NCEH1: variants seen among roughly 807,000 people sequenced by gnomAD.
NCEH1 encodes 2-acetyl MAGE hydrolase.
A neutral mutation model predicts 25.4 loss-of-function variants in NCEH1; 9 were observed. The observed-to-expected ratio is 0.35, with a 90% CI of 0.21 to 0.62. The LOEUF is 0.62. Ranked by LOEUF, NCEH1 falls within the 20% of genes least tolerant of loss-of-function variation. The probability of loss-of-function intolerance (pLI) is 0.72; values close to 1 mark genes in which losing one functional copy is unlikely to be tolerated. For synonymous variants in NCEH1, 200 were observed against 199.8 expected (o/e 1.00, Z -0.01); for missense variants, 412 against 501.1 (o/e 0.82, Z 1.70).
chr3:172,669,154 G>A (rs547817896), intron 1 of NCEH1, among the ~76,000 whole-genome samples: 175 of 152,284 alleles, frequency 1.1e-3, no homozygotes, highest in African/African-American at 4.1e-3. Context: ...TAACACCAAC[G>A]TTTTGATTCA....
At chr3:172,661,496 T>C (rs1422126661) in intron 1 of NCEH1, among the ~76,000 whole-genome samples, 2 of 152,220 alleles carry the variant, frequency 1.3e-5, no homozygotes, top group Non-Finnish European at 2.9e-5. Flanking sequence ...AGTATTTTTT[T>C]CCAATTCTGT....
In NCEH1 at chr3:172,681,716, CCT is replaced by C. The variant is rs1178036853; in HGVS notation, c.138+29129_138+29130del. Among the ~76,000 whole-genome samples, 3 of 142,848 alleles carry C rather than the reference CCT, an allele frequency of 2.1e-5. No homozygotes were observed. In the East Asian group the frequency reaches 6.0e-4, roughly 29 times the overall value. 93.7% of individuals were successfully genotyped at this position (142,848 alleles called of 152,430 possible). On this transcript the variant is annotated intron_variant, in intron 1 of 4. Transcript: ENST00000475381. The stretch of plus-strand genomic sequence containing the variant: ...ACCAGCCTGGCCAAGATGGTAAAAC[CCT>C]GTCTCTAGTAAAAATACCAAAAAAA...
chr3:172,656,409 A>G (rs947520548), intron 1 of NCEH1, among the ~76,000 whole-genome samples: 3 of 152,170 alleles, frequency 2.0e-5, no homozygotes, highest in Non-Finnish European at 4.4e-5. Flanking sequence ...CAAAGTGAGA[A>G]GATATATCTC....
intron 1 of NCEH1, among the ~76,000 whole-genome samples, chr3:172,661,586 G>C (rs543353105): frequency 1.3e-5 from 2 of 152,150 alleles, no homozygotes; most frequent in African/African-American, 4.8e-5. Flanking sequence ...TCACAATATT[G>C]ATTCTTCCTA....
intron 1 of NCEH1, among the ~76,000 whole-genome samples, chr3:172,688,748 G>A (rs1398588368): frequency 6.6e-6 from 1 of 152,062 alleles, no homozygotes; most frequent in Non-Finnish European, 1.5e-5. Context: ...ACAGTGTTAC[G>A]ATAGGTGTCC....
chr3:172,704,161 A>G (rs1409344969), intron 1 of NCEH1, among the ~76,000 whole-genome samples: 3 of 152,208 alleles, frequency 2.0e-5, no homozygotes, highest in Non-Finnish European at 4.4e-5. Context: ...CCACACCCAC[A>G]CAGCCCAAAA....
At chr3:172,647,791 T>TC (rs1560183183) in intron 2 of NCEH1, 95 bp downstream of exon 2, 7 of 1,517,996 alleles carry the variant, frequency 4.6e-6, no homozygotes, top group Non-Finnish European at 6.3e-6. Context: ...AGATAAATGG[T>TC]CCCCTTCTTT....
chr3:172,662,459 A>G (rs556259740), intron 1 of NCEH1, among the ~76,000 whole-genome samples: 64 of 152,308 alleles, frequency 4.2e-4, no homozygotes, highest in African/African-American at 1.5e-3. Context: ...AGACTTAGGT[A>G]TCAGGATGAT....
chr3:172,665,093 G>T (rs935116218), intron 1 of NCEH1, among the ~76,000 whole-genome samples: 9 of 152,174 alleles, frequency 5.9e-5, no homozygotes, highest in African/African-American at 2.2e-4. Context: ...CCATCTTTGT[G>T]ATTTTATCTA....
intron 3 of NCEH1, among the ~76,000 whole-genome samples, chr3:172,640,709 G>A (rs935545106): frequency 2.0e-5 from 3 of 152,048 alleles, no homozygotes; most frequent in Non-Finnish European, 4.4e-5. Flanking sequence ...GGGTTTCACC[G>A]TGTTAGCCAG....
intron 1 of NCEH1, among the ~76,000 whole-genome samples, chr3:172,687,742 C>A (rs1296015080): frequency 6.6e-6 from 1 of 152,074 alleles, no homozygotes; most frequent in Non-Finnish European, 1.5e-5. Flanking sequence ...AGTAGAAAGC[C>A]CAGATTGTGT....
chr3:172,638,631 A>G (rs1326401101), intron 3 of NCEH1, among the ~76,000 whole-genome samples: 1 of 152,186 alleles, frequency 6.6e-6, no homozygotes, highest in Non-Finnish European at 1.5e-5. Flanking sequence ...TCATGACTCA[A>G]GTTGTGAAAA....
intron 1 of NCEH1, among the ~76,000 whole-genome samples, chr3:172,662,395 T>G (rs1718011040): frequency 6.6e-6 from 1 of 152,232 alleles, no homozygotes; most frequent in Non-Finnish European, 1.5e-5. Flanking sequence ...GATTTTTGCA[T>G]CGATGTTCAT....
chr3:172,643,261 T>C (rs1716948950), intron 3 of NCEH1, among the ~76,000 whole-genome samples: 1 of 152,090 alleles, frequency 6.6e-6, no homozygotes, highest in African/African-American at 2.4e-5. Context: ...TTTTAAAAAA[T>C]AGGGTCTCCC....
intron 1 of NCEH1, among the ~76,000 whole-genome samples, chr3:172,653,913 C>T (rs888548078): frequency 6.6e-6 from 1 of 151,744 alleles, no homozygotes; most frequent in Non-Finnish European, 1.5e-5. Flanking sequence ...CATGCCACCA[C>T]GCCCAGCTAA....
chr3:172,658,843 T>A (rs1163675997), intron 1 of NCEH1, among the ~76,000 whole-genome samples: 6 of 43,298 alleles, frequency 1.4e-4, no homozygotes, highest in East Asian at 4.3e-4. Flanking sequence ...TCCAAAACTT[T>A]TTTTTTTTTT....
chr3:172,662,882 A>T (rs1718033758), intron 1 of NCEH1, among the ~76,000 whole-genome samples: 2 of 148,612 alleles, frequency 1.3e-5, no homozygotes, highest in Admixed American at 1.3e-4. Context: ...CTAGCGGTCT[A>T]TCAATTTTGT....
chr3:172,649,654 C>A (rs1236553077), intron 1 of NCEH1, among the ~76,000 whole-genome samples: 1 of 152,170 alleles, frequency 6.6e-6, no homozygotes, highest in Non-Finnish European at 1.5e-5. Flanking sequence ...AAATGTTAGT[C>A]TAATTTAGAG....
chr3:172,638,363 C>T (rs1003235362), intron 3 of NCEH1, among the ~76,000 whole-genome samples: 38 of 149,158 alleles, frequency 2.5e-4, no homozygotes, highest in Non-Finnish European at 5.2e-4. Context: ...TCTTATTTTT[C>T]CATCTGGGGT....
Sources: gnomAD v4.1 joint callset for allele counts (sites outside exome capture counted in the v4.1 genomes callset) on GRCh38, gnomAD v4.1.1 for gene constraint, MANE v1.5 for transcripts, NCBI Gene and HGNC (gene_info 2026-07-23, HGNC 2026-07-21) for gene names.